Variants in MYBPC3 observed in about 807,000 individuals in gnomAD.
The protein encoded by MYBPC3 is myosin binding protein C3.
A neutral mutation model predicts 159.3 loss-of-function variants in MYBPC3; 108 were observed. The ratio of observed to expected loss-of-function variants is 0.68; its 90% CI spans 0.58 to 0.80. The LOEUF is 0.80. Among genes scored for constraint, MYBPC3 ranks in the 30% least tolerant of loss-of-function variants. The probability of loss-of-function intolerance (pLI) is 0.00; values close to 1 mark genes in which losing one functional copy is unlikely to be tolerated. For missense variants in MYBPC3, 1,631 were observed against 1,762.1 expected, an observed-to-expected ratio of 0.93 and a Z score of 1.33; for synonymous variants, 730 against 702.0, an observed-to-expected ratio of 1.04 and a Z score of -0.63.
intron 30 of MYBPC3, 96 bp downstream of exon 30, chr11:47,333,098 T>C: frequency 6.6e-7 from 1 of 1,522,948 alleles, no homozygotes; most frequent in South Asian, 1.3e-5. Flanking sequence ...AGAGGGAGGG[T>C]GAGGGGTCCA....
chr11:47,342,612 G>A lies in MYBPC3; in HGVS notation c.1590C>T (p.Ser530=), dbSNP rs763905291. The change falls in exon 17 of 35, where the codon AGC becomes AGT. Residue 530 remains serine (S), a synonymous_variant. Transcript: ENST00000545968. ...TGAGCTCAGCCAGCGCCTGGCCCCC[G>A]CTAGTGCACAGTGCATAGTGCCCCG... The part of the protein sequence containing the change: ...EDAGHYALCT[S]GGQALAELIV... 25 of 1,612,548 alleles carry A rather than the reference G, an allele frequency of 1.6e-5. No individual in the cohort carries two copies. The highest frequency in any genetic ancestry group is 1.0e-4 in the Admixed American group (6 of 59,928).
At position 47,341,188 on chromosome 11, in the gene MYBPC3, AAGCTGTAG is replaced by A; in HGVS notation, c.1839_1846del (p.Tyr614CysfsTer21). On this transcript the variant is annotated frameshift_variant, in exon 19 of 35. Transcript: ENST00000545968. LOFTEE classifies it high-confidence loss of function. The stretch of plus-strand genomic sequence containing the variant: ...GTTGCAGGCGAAGCCCTCGGGCACA[AAGCTGTAG>A]TCAGCCTCGTCGGCAGGTGTGACGT... 6.3e-7 allele frequency: 1 copy of A among 1,593,426 alleles called. No homozygotes were observed. The highest frequency in any genetic ancestry group is 8.5e-7 in the Non-Finnish European group (1 of 1,170,216).
In MYBPC3 at chr11:47,333,994, C is replaced by T. The variant is rs1199507889; in HGVS notation, c.2922G>A (p.Gln974=). The T allele has an allele frequency of 6.3e-7, 1 of 1,580,686 alleles. No individual in the cohort carries two copies. Among genetic ancestry groups the T allele is most frequent in the Non-Finnish European group, 8.6e-7 (1 of 1,163,684 alleles). ...VQEILQRPRL[Q]LPRHLRQTIQ... ...TGGTCTGGCGCAGGTGCCTGGGCAG[C>T]TGAAGCCGTGGCCGTTCTGTGGGTA... The change falls in exon 28 of 35, where the codon CAG becomes CAA. Residue 974 remains glutamine, a synonymous_variant. Coordinates refer to ENST00000545968, the MANE Select transcript of MYBPC3 (RefSeq NM_000256.3).
intron 25 of MYBPC3, among the ~76,000 whole-genome samples, chr11:47,336,596 A>G (rs2095882596): frequency 6.6e-6 from 1 of 152,106 alleles, no homozygotes; most frequent in Non-Finnish European, 1.5e-5. Flanking sequence ...CAAACCAGGA[A>G]TCAGTCCCTA....
At position 47,346,267 on chromosome 11, in the gene MYBPC3, C is replaced by G. The variant is rs2095893987; in HGVS notation, c.1030G>C (p.Asp344His). 1 of 1,613,860 alleles carries G rather than the reference C, an allele frequency of 6.2e-7. No homozygotes were observed. The highest frequency in any genetic ancestry group is 2.2e-5 in the East Asian group (1 of 44,872). The change falls in exon 12 of 35, where the codon GAC becomes CAC. Residue 344 changes from aspartate (D) to histidine (H), a missense_variant. Coordinates refer to ENST00000545968, the MANE Select transcript of MYBPC3 (RefSeq NM_000256.3). This position sits in a 1 kb window ranked among gnomAD's most constrained non-coding sequence, Gnocchi z 5.3. ...ERIAFQYGVT[D>H]LRGMLKRLKG... The stretch of plus-strand genomic sequence containing the variant: ...AGCCTCTTTAGCATGCCGCGCAGGT[C>G]AGTGACGCCGTACTGGAAGGCGATG...
At chr11:47,339,267 G>A (rs1479539910) in intron 22 of MYBPC3, 57 bp downstream of exon 22, 87 of 1,580,792 alleles carry the variant, frequency 5.5e-5, no homozygotes, top group Admixed American at 8.3e-5. Flanking sequence ...TCGGCACCAC[G>A]TAGGTAGAAA....
At chr11:47,347,976 G>T in intron 6 of MYBPC3, 71 bp from the exon 7 acceptor site, 2 of 1,432,766 alleles carry the variant, frequency 1.4e-6, no homozygotes, top group Non-Finnish European at 1.9e-6. Flanking sequence ...CTGCCCTGGG[G>T]GCGGCCTCTG....
At position 47,343,485 on chromosome 11, in the gene MYBPC3, G is replaced by T. The variant is rs1489409197; in HGVS notation, c.1223+7C>A. On this transcript the variant is annotated splice_region_variant and intron_variant, in intron 13 of 34. Transcript: ENST00000545968. ...ACCCGAGCCCCCCTCCCCACCCCAGGCTGCACCTGCCGCTCATCTGGATCT... is the reference window on the plus strand; with the variant it reads ...ACCCGAGCCCCCCTCCCCACCCCAGTCTGCACCTGCCGCTCATCTGGATCT... The T allele has an allele frequency of 1.3e-6, 2 of 1,576,810 alleles. No homozygotes were observed. Among genetic ancestry groups the T allele is most frequent in the African/African-American group, 1.4e-5 (1 of 74,056 alleles).
In MYBPC3 at chr11:47,351,189, G is replaced by GGGGCCCCCC; in HGVS notation, c.292+49_292+50insGGGGGGCCC. On this transcript the variant is annotated intron_variant, in intron 2 of 34. Coordinates refer to ENST00000545968, the MANE Select transcript of MYBPC3 (RefSeq NM_000256.3). This position sits in a 1 kb window ranked among gnomAD's most constrained non-coding sequence, Gnocchi z 4.2. The stretch of plus-strand genomic sequence containing the variant: ...TGGATGGATGGAGAGTCGCTGGGCT[G>GGGGCCCCCC]CCCCTCCCCCAGCAGCCCAAACCTC... 2.1e-6 allele frequency: 3 copies of GGGGCCCCCC among 1,449,112 alleles called. No individual in the cohort carries two copies. The highest frequency in any genetic ancestry group is 2.8e-6 in the Non-Finnish European group (3 of 1,087,860). 89.8% of individuals were successfully genotyped at this position (1,449,112 alleles called of 1,614,324 possible).
rs1352802846 is a variant in MYBPC3, at chr11:47,339,215, C to G, written c.2148+109G>C. The G allele has an allele frequency of 7.4e-6, 9 of 1,212,554 alleles. No individual in the cohort carries two copies. In the Admixed American group the frequency reaches 1.5e-4, roughly 20 times the overall value. The allele number at this position is 1,212,554 out of a possible 1,614,324, so 75.1% of individuals were successfully genotyped here. A position where few individuals can be genotyped will look rare whatever the true frequency, so the allele number is the denominator to read the frequency against. On this transcript the variant is annotated intron_variant, in intron 22 of 34. Transcript: ENST00000545968. ...GGACCCTGCTGGGGGCAGCAACACA[C>G]CCGGCCAAGTGTGGCACCTCCATGG...
chr11:47,348,617 T>G, intron 5 of MYBPC3, 76 bp from the exon 6 acceptor site: 1 of 1,225,654 alleles, frequency 8.2e-7, no homozygotes, highest in Non-Finnish European at 1.1e-6. Context: ...TAAAGGAGAC[T>G]GGGAGTGGCC....
rs78188100 is a variant in MYBPC3, at chr11:47,348,959, C to T, written c.655-418G>A. On this transcript the variant is annotated intron_variant, in intron 5 of 34. Transcript: ENST00000545968. ...GAGGCTGGGAGTGACAAATGCTCAT[C>T]GATCTTCGCACCCTCAGGCTTTAGT... Among the ~76,000 whole-genome samples, 162 of 93,908 alleles carry T rather than the reference C, an allele frequency of 1.7e-3. 7 individuals carry two copies. In the East Asian group the frequency reaches 0.046, roughly 27 times the overall value. The allele number at this position is 93,908 out of a possible 152,430, so 61.6% of individuals were successfully genotyped here.
intron 20 of MYBPC3, 81 bp from the exon 21 acceptor site, chr11:47,339,871 C>A: frequency 1.4e-6 from 2 of 1,466,902 alleles, no homozygotes; most frequent in Non-Finnish European, 1.9e-6. Context: ...GCTCAAGAGC[C>A]TGGGCCCCTG....
rs919738860 is a variant in MYBPC3 at position 47,346,085 on chromosome 11, G to C, written c.1090+122C>G. On this transcript the variant is annotated intron_variant, in intron 12 of 34. Coordinates refer to ENST00000545968, the MANE Select transcript of MYBPC3 (RefSeq NM_000256.3). This position sits in a 1 kb window ranked among gnomAD's most constrained non-coding sequence, Gnocchi z 5.3. Reference sequence around the variant, plus strand: ...CTCTTTCCATGTATGTGGACGAGGTGGGGGGCTAACCTGTGCCCTCTCCTC... The same window carrying C: ...CTCTTTCCATGTATGTGGACGAGGTCGGGGGCTAACCTGTGCCCTCTCCTC... 1.5e-6 allele frequency: 2 copies of C among 1,346,528 alleles called. No individual in the cohort carries two copies. The highest frequency in any genetic ancestry group is 4.7e-5 in the Admixed American group (2 of 42,702). The allele number at this position is 1,346,528 out of a possible 1,614,324, so 83.4% of individuals were successfully genotyped here.
rs864622224 is a variant in MYBPC3 at position 47,351,368 on chromosome 11, AC to A, written c.162del (p.Lys54AsnfsTer13). 1 of 1,607,784 alleles carries A rather than the reference AC, an allele frequency of 6.2e-7. No individual in the cohort carries two copies. Among genetic ancestry groups the A allele is most frequent in the Admixed American group, 1.7e-5 (1 of 59,384 alleles). ...CGTGTGCCCTCTGTGGCCAGGCCGT[AC>A]TTGTTGCTGGCGCTGATGTCACTGC... The part of the protein sequence containing the change: ...RGGSDISASN[K>X]YGLATEGTRH... On this transcript the variant is annotated frameshift_variant, in exon 2 of 35. Transcript: ENST00000545968. LOFTEE classifies it high-confidence loss of function. The surrounding 1 kb of genome is among the most constrained non-coding windows in gnomAD (Gnocchi z 4.2).
chr11:47,350,244 C>T, intron 3 of MYBPC3, 132 bp from the exon 4 acceptor site: 1 of 1,225,588 alleles, frequency 8.2e-7, no homozygotes, highest in Middle Eastern at 2.8e-4. Flanking sequence ...CTGCCTCAGC[C>T]TCCCAAGTTA....
At chr11:47,336,938 C>T (rs2095882884) in intron 25 of MYBPC3, among the ~76,000 whole-genome samples, 1 of 152,238 alleles carries the variant, frequency 6.6e-6, no homozygotes, top group South Asian at 2.1e-4. Flanking sequence ...CCCTGAGACC[C>T]CTCCACTAAC....
chr11:47,342,594 A>G lies in MYBPC3; in HGVS notation c.1608T>C (p.Ala536=). 2 of 1,606,500 alleles carry G rather than the reference A, an allele frequency of 1.2e-6. No homozygotes were observed. The highest frequency in any genetic ancestry group is 2.2e-5 in the East Asian group (1 of 44,784). The change falls in exon 17 of 35, where the codon GCT becomes GCC. Residue 536 remains alanine, a synonymous_variant. Transcript: ENST00000545968. Reference sequence around the variant, plus strand: ...CAGGCTCACCCTGCACAATGAGCTCAGCCAGCGCCTGGCCCCCGCTAGTGC... The same window carrying G: ...CAGGCTCACCCTGCACAATGAGCTCGGCCAGCGCCTGGCCCCCGCTAGTGC... The part of the protein sequence containing the change: ...ALCTSGGQAL[A]ELIVQEKKLE...
chr11:47,347,064 C>A lies in MYBPC3; in HGVS notation c.906-35G>T, dbSNP rs771492949. Reference sequence around the variant, plus strand: ...AGCAGCAGCAGCCATAATGGAGGGGCCGGGGGAGAGGGAGAGAGAGGGCAG... The same window carrying A: ...AGCAGCAGCAGCCATAATGGAGGGGACGGGGGAGAGGGAGAGAGAGGGCAG... On this transcript the variant is annotated intron_variant, in intron 9 of 34. Coordinates refer to ENST00000545968, the MANE Select transcript of MYBPC3 (RefSeq NM_000256.3). 13 of 864,260 alleles carry A rather than the reference C, an allele frequency of 1.5e-5. No individual in the cohort carries two copies. The East Asian group carries it at 3.1e-4, about 21-fold the overall frequency. 53.5% of individuals were successfully genotyped at this position (864,260 alleles called of 1,614,324 possible).
Sources: allele counts gnomAD v4.1 joint callset (sites outside exome capture counted in the v4.1 genomes callset), GRCh38; gene constraint gnomAD v4.1.1; non-coding constraint Gnocchi (gnomAD v3.1); transcripts MANE v1.5; gene names NCBI Gene and HGNC (gene_info 2026-07-23, HGNC 2026-07-21).